Variants in PCNX1 observed in about 807,000 individuals in gnomAD.
PCNX1 encodes pecanex-like protein 1.
In PCNX1, 78 loss-of-function variants were observed where a neutral mutation model predicts 242.2. The observed-to-expected ratio is 0.32, with a 90% CI of 0.27 to 0.39. The LOEUF (loss-of-function observed/expected upper bound fraction) is 0.39. PCNX1 is among the 10% of genes least tolerant of loss of function. The probability of loss-of-function intolerance (pLI) is 1.00; values close to 1 mark genes in which losing one functional copy is unlikely to be tolerated. For missense variants in PCNX1, 2,581 were observed against 2,856.5 expected (o/e 0.90, Z 2.20); for synonymous variants, 1,024 against 1,032.9 (o/e 0.99, Z 0.17).
intron 6 of PCNX1, among the ~76,000 whole-genome samples, chr14:70,986,095 C>A (rs1269236502): frequency 1.3e-5 from 2 of 152,096 alleles, no homozygotes; most frequent in South Asian, 2.1e-4. Context: ...AGAACTGGAC[C>A]CCTACTCGAC....
rs2055622438 is a variant in PCNX1 at position 70,907,786 on chromosome 14, C to A, written c.-65C>A. On this transcript the variant is annotated 5_prime_UTR_variant, in exon 1 of 36. Transcript: ENST00000304743. The stretch of plus-strand genomic sequence containing the variant: ...CAGCTGCAGGCTCCGGCGACCGAGG[C>A]CGAGCTGGGGCCGGGGCGGGGACGG... 1.7e-6 allele frequency: 2 copies of A among 1,209,422 alleles called. No individual in the cohort carries two copies. Among genetic ancestry groups the A allele is most frequent in the Non-Finnish European group, 1.0e-6 (1 of 973,382 alleles). The allele number at this position is 1,209,422 out of a possible 1,614,324, so 74.9% of individuals were successfully genotyped here.
intron 2 of PCNX1, among the ~76,000 whole-genome samples, chr14:70,953,430 C>T (rs1163847409): frequency 1.3e-5 from 2 of 151,544 alleles, no homozygotes; most frequent in Non-Finnish European, 2.9e-5. Flanking sequence ...TGTTTTGTTT[C>T]ATTTTTCTTT....
At chr14:70,994,126 T>C (rs566723666) in intron 7 of PCNX1, among the ~76,000 whole-genome samples, 1 of 152,106 alleles carries the variant, frequency 6.6e-6, no homozygotes, top group Admixed American at 6.5e-5. Context: ...TTTTCATTGG[T>C]GAAATGAAGT....
chr14:71,016,943 C>T (rs946477547), intron 11 of PCNX1, among the ~76,000 whole-genome samples: 1 of 151,986 alleles, frequency 6.6e-6, no homozygotes, highest in Non-Finnish European at 1.5e-5. Context: ...TCAGTTGTAT[C>T]AATTGATACA....
intron 16 of PCNX1, among the ~76,000 whole-genome samples, chr14:71,029,605 A>G (rs1436248873): frequency 1.3e-5 from 2 of 152,242 alleles, no homozygotes; most frequent in African/African-American, 4.8e-5. Context: ...TGGGTGTACA[A>G]ATTAAGACTA....
At chr14:71,040,472 G>C (rs1024685023) in intron 19 of PCNX1, among the ~76,000 whole-genome samples, 1 of 151,872 alleles carries the variant, frequency 6.6e-6, no homozygotes, top group Non-Finnish European at 1.5e-5. Flanking sequence ...TATTGAATCT[G>C]TGGTTTACAG....
At chr14:71,032,318 A>T (rs1049815003) in intron 16 of PCNX1, among the ~76,000 whole-genome samples, 4 of 152,222 alleles carry the variant, frequency 2.6e-5, no homozygotes, top group Admixed American at 1.3e-4. Context: ...TAAGATATTA[A>T]CTTTCTTTTC....
At chr14:71,109,328 T>G (rs2062706053) in intron 34 of PCNX1, 124 bp from the exon 35 acceptor site, 1 of 928,800 alleles carries the variant, frequency 1.1e-6, no homozygotes, top group South Asian at 1.8e-5. Context: ...TAAGATTTTT[T>G]TTTTATTCCA....
intron 13 of PCNX1, among the ~76,000 whole-genome samples, chr14:71,025,545 A>G (rs1034827571): frequency 6.6e-6 from 1 of 152,072 alleles, no homozygotes; most frequent in Non-Finnish European, 1.5e-5. Flanking sequence ...TAGGAAGTGT[A>G]TGTATGTATG....
At chr14:70,969,454 C>T (rs968265896) in intron 5 of PCNX1, among the ~76,000 whole-genome samples, 1 of 152,188 alleles carries the variant, frequency 6.6e-6, no homozygotes, top group African/African-American at 2.4e-5. Context: ...AAAACTGTTA[C>T]TTTCCATTCA....
intron 5 of PCNX1, among the ~76,000 whole-genome samples, chr14:70,975,541 A>C (rs1427088848): frequency 3.3e-5 from 5 of 152,122 alleles, no homozygotes; most frequent in Non-Finnish European, 7.4e-5. Context: ...CTTAGGGGGA[A>C]ATGTCTGCTT....
intron 1 of PCNX1, 152 bp downstream of exon 1, chr14:70,908,155 A>C: frequency 1.0e-5 from 7 of 671,400 alleles, no homozygotes; most frequent in Non-Finnish European, 1.1e-5. Context: ...GCGTGCTCCC[A>C]CTCCTCTCTT....
At chr14:70,992,702 A>T (rs1316798103) in intron 7 of PCNX1, among the ~76,000 whole-genome samples, 1 of 152,194 alleles carries the variant, frequency 6.6e-6, no homozygotes, top group Non-Finnish European at 1.5e-5. Flanking sequence ...TTAGACCTAA[A>T]TTTCTACCTT....
chr14:70,939,668 T>C (rs1295542613), intron 1 of PCNX1, among the ~76,000 whole-genome samples: 1 of 152,206 alleles, frequency 6.6e-6, no homozygotes, highest in Non-Finnish European at 1.5e-5. Flanking sequence ...CAGAGCTGAG[T>C]TCAATTCCTG....
chr14:70,922,741 G>T (rs1396443111), intron 1 of PCNX1, among the ~76,000 whole-genome samples: 1 of 150,648 alleles, frequency 6.6e-6, no homozygotes, highest in Admixed American at 6.6e-5. Flanking sequence ...CCTAGTGGGG[G>T]ACATTTAGGT....
intron 26 of PCNX1, among the ~76,000 whole-genome samples, chr14:71,073,215 C>T (rs577952020): frequency 5.9e-4 from 90 of 152,240 alleles, no homozygotes; most frequent in African/African-American, 2.1e-3. Flanking sequence ...TTACTTGAAC[C>T]GGGACCCAGG....
chr14:70,989,555 T>G (rs2059098383), intron 7 of PCNX1, among the ~76,000 whole-genome samples: 1 of 144,098 alleles, frequency 6.9e-6, no homozygotes, highest in South Asian at 2.2e-4. Context: ...TTTTTTTTTT[T>G]GAGACACTCT....
intron 2 of PCNX1, among the ~76,000 whole-genome samples, chr14:70,949,235 G>GTATATATAGATATATGTATGTA (rs2057637726): frequency 1.4e-5 from 2 of 147,362 alleles, no homozygotes; most frequent in African/African-American, 2.5e-5. Context: ...ATATGTATGT[G>GTATATATAGATATATGTATGTA]TATATACACA....
chr14:70,909,259 G>T (rs1345170876), intron 1 of PCNX1, among the ~76,000 whole-genome samples: 2 of 120,846 alleles, frequency 1.7e-5, no homozygotes, highest in Non-Finnish European at 3.9e-5. Flanking sequence ...GGGACTTATT[G>T]TTTGAGGTTA....
Sources: allele counts gnomAD v4.1 joint callset (sites outside exome capture counted in the v4.1 genomes callset), GRCh38; gene constraint gnomAD v4.1.1; transcripts MANE v1.5; gene names NCBI Gene and HGNC (gene_info 2026-07-23, HGNC 2026-07-21).